GABRB2: variants seen among roughly 807,000 people sequenced by gnomAD.
GABRB2 encodes the protein gamma-aminobutyric acid receptor subunit beta-2.
In GABRB2, 16 loss-of-function variants were observed where a neutral mutation model predicts 54.7. The ratio of observed to expected loss-of-function variants is 0.29; its 90% CI spans 0.20 to 0.44. The LOEUF (loss-of-function observed/expected upper bound fraction) is 0.44, where lower values mean the gene tolerates loss of function less well. GABRB2 is among the 20% of genes least tolerant of loss of function. The pLI, the probability that GABRB2 is intolerant of heterozygous loss-of-function variation, is 1.00. For synonymous variants in GABRB2, 244 were observed against 233.8 expected (o/e 1.04, Z -0.40); for missense variants, 355 against 644.0 (o/e 0.55, Z 4.86).
intron 3 of GABRB2, among the ~76,000 whole-genome samples, chr5:161,504,183 T>G (rs868629646): frequency 6.6e-6 from 1 of 152,166 alleles, no homozygotes; most frequent in South Asian, 2.1e-4. Flanking sequence ...ATTGAAGATG[T>G]GAATAAATCT....
intron 5 of GABRB2, among the ~76,000 whole-genome samples, chr5:161,408,712 A>C (rs1756418431): frequency 6.6e-6 from 1 of 151,914 alleles, no homozygotes; most frequent in Non-Finnish European, 1.5e-5. Flanking sequence ...GAAAGAAGGG[A>C]GGGAAAAACA....
Position 161,484,761 on chromosome 5 carries a change from A to T in GABRB2, c.238-24917T>A, listed in dbSNP as rs149720692. Among the ~76,000 whole-genome samples the T allele has an allele frequency of 2.6e-4, 40 of 152,004 alleles. No homozygotes were observed. In the East Asian group the frequency reaches 7.6e-3, roughly 29 times the overall value. On this transcript the variant is annotated intron_variant, in intron 3 of 9. Transcript: ENST00000393959. Reference sequence around the variant, plus strand: ...TAGGCCCCCATCATGTCTCACCTGGATTATTACAACTAGTCTCACTTCATC... The same window carrying T: ...TAGGCCCCCATCATGTCTCACCTGGTTTATTACAACTAGTCTCACTTCATC...
At position 161,294,437 on chromosome 5, in the gene GABRB2, G is replaced by A. The variant is rs767296219; in HGVS notation, c.1192-9C>T. 2 of 1,605,016 alleles carry A rather than the reference G, an allele frequency of 1.2e-6. No homozygotes were observed. The highest frequency in any genetic ancestry group is 1.1e-5 in the South Asian group (1 of 90,662). On this transcript the variant is annotated splice_polypyrimidine_tract_variant and intron_variant, in intron 9 of 9. Coordinates refer to ENST00000393959, the MANE Select transcript of GABRB2 (RefSeq NM_001371727.1). ...TTCTCATGGGGGTCCATCTGCAAGG[G>A]AAGAGAATCAAAAAGACAATCAGAA...
At chr5:161,323,266 G>A (rs536036311) in intron 9 of GABRB2, among the ~76,000 whole-genome samples, 2 of 151,964 alleles carry the variant, frequency 1.3e-5, no homozygotes, top group Non-Finnish European at 1.5e-5. Flanking sequence ...CAAGTGATCC[G>A]CCCATCTCAG....
At chr5:161,388,324 T>G (rs1441133417) in intron 5 of GABRB2, among the ~76,000 whole-genome samples, 1 of 152,112 alleles carries the variant, frequency 6.6e-6, no homozygotes, top group Non-Finnish European at 1.5e-5. Context: ...AAGAAGGCTT[T>G]AAAAATTAAT....
chr5:161,521,405 T>TC (rs1760111194), intron 3 of GABRB2, among the ~76,000 whole-genome samples: 2 of 151,790 alleles, frequency 1.3e-5, no homozygotes, highest in African/African-American at 2.4e-5. Context: ...ACCATATAAC[T>TC]TTAGGTGATA....
intron 4 of GABRB2, among the ~76,000 whole-genome samples, chr5:161,452,282 A>G (rs1757810850): frequency 6.6e-6 from 1 of 152,212 alleles, no homozygotes; most frequent in African/African-American, 2.4e-5. Flanking sequence ...TGCTAAAAGG[A>G]TATATGTCAT....
rs144217672 is a variant in GABRB2 at position 161,307,342 on chromosome 5, C to T, written c.1192-12914G>A. Reference sequence around the variant, plus strand: ...TCTTCACATTAGAATGTGGTCACTGCGAGGGCAAGGCACATATTTGGTAAG... The same window carrying T: ...TCTTCACATTAGAATGTGGTCACTGTGAGGGCAAGGCACATATTTGGTAAG... On this transcript the variant is annotated intron_variant, in intron 9 of 9. Coordinates refer to ENST00000393959, the MANE Select transcript of GABRB2 (RefSeq NM_001371727.1). Among the ~76,000 whole-genome samples the T allele has an allele frequency of 2.4e-4, 37 of 152,208 alleles. 1 individual carries two copies. The East Asian group carries it at 5.8e-3, about 24-fold the overall frequency.
At chr5:161,413,178 A>G (rs1274890644) in intron 4 of GABRB2, among the ~76,000 whole-genome samples, 1 of 152,230 alleles carries the variant, frequency 6.6e-6, no homozygotes, top group African/African-American at 2.4e-5. Context: ...GGATGAATAA[A>G]TAAATAAATT....
At chr5:161,509,603 T>C (rs909599440) in intron 3 of GABRB2, among the ~76,000 whole-genome samples, 2 of 151,982 alleles carry the variant, frequency 1.3e-5, no homozygotes, top group African/African-American at 2.4e-5. Flanking sequence ...TATTTACACA[T>C]CTCTGCTTTT....
intron 5 of GABRB2, among the ~76,000 whole-genome samples, chr5:161,381,594 G>C (rs1055628798): frequency 4.6e-5 from 7 of 152,120 alleles, no homozygotes; most frequent in South Asian, 2.1e-4. Context: ...TATTCTGAAG[G>C]GGGTGAGTGG....
chr5:161,519,514 G>GCCT (rs1334242565), intron 3 of GABRB2, among the ~76,000 whole-genome samples: 1 of 152,030 alleles, frequency 6.6e-6, no homozygotes, highest in African/African-American at 2.4e-5. Flanking sequence ...AATCAATGAA[G>GCCT]CCTCACATTG....
intron 4 of GABRB2, among the ~76,000 whole-genome samples, chr5:161,415,902 C>T (rs979605467): frequency 2.7e-5 from 4 of 150,712 alleles, no homozygotes; most frequent in Admixed American, 6.6e-5. Context: ...CGTGATCCAC[C>T]GCACCCGGCC....
In GABRB2 at chr5:161,411,039, G is replaced by A. The variant is rs2113114606; in HGVS notation, c.477C>T (p.Ala159=). 1 of 1,613,462 alleles carries A rather than the reference G, an allele frequency of 6.2e-7. No homozygotes were observed. Among genetic ancestry groups the A allele is most frequent in the Admixed American group, 1.7e-5 (1 of 59,990 alleles). Residue 159 remains alanine (A), a synonymous_variant, in exon 5 of 10, where the codon GCC becomes GCT. Transcript: ENST00000393959. The stretch of plus-strand genomic sequence containing the variant: ...GGTACCTCCTTAGGTCCATCATGCA[G>A]GCAGCTGTGGTTGTGATTCTAGAAG... ...LYGLRITTTA[A]CMMDLRRYPL...
At chr5:161,536,496 G>C (rs1048137947) in intron 3 of GABRB2, among the ~76,000 whole-genome samples, 2 of 152,126 alleles carry the variant, frequency 1.3e-5, no homozygotes, top group African/African-American at 4.8e-5. Context: ...TCAATATAAA[G>C]TGTTTAGTAT....
chr5:161,290,973 G>T lies in GABRB2; in HGVS notation c.*3108C>A, dbSNP rs1357790884. The T allele has an allele frequency of 6.6e-6, 1 of 152,450 alleles. No homozygotes were observed. The highest frequency in any genetic ancestry group is 2.4e-5 in the African/African-American group (1 of 41,400). 9.4% of individuals were successfully genotyped at this position (152,450 alleles called of 1,614,324 possible). ...TATTTTACTTAGCACTGCTTTTGAA[G>T]AAATGAGAAGAGAAAAGGTCTAGAT... On this transcript the variant is annotated 3_prime_UTR_variant, in exon 10 of 10. Coordinates refer to ENST00000393959, the MANE Select transcript of GABRB2 (RefSeq NM_001371727.1).
In GABRB2 at chr5:161,459,638, G is replaced by A. The variant is rs771899561; in HGVS notation, c.444C>T (p.Val148=). 1.1e-5 allele frequency: 17 copies of A among 1,613,982 alleles called. No homozygotes were observed. The South Asian group carries it at 1.8e-4, about 17-fold the overall frequency. ...GGACAACAGACCTGAGTCCATAAAGGACGGTGCCATCAGGATGCAGGCGAA... is the reference window on the plus strand; with the variant it reads ...GGACAACAGACCTGAGTCCATAAAGAACGGTGCCATCAGGATGCAGGCGAA... The part of the protein sequence containing the change: ...RMIRLHPDGT[V]LYGLRITTTA... The change falls in exon 4 of 10, where the codon GTC becomes GTT. Residue 148 remains valine (V), a synonymous_variant. Coordinates refer to ENST00000393959, the MANE Select transcript of GABRB2 (RefSeq NM_001371727.1).
chr5:161,498,619 T>A (rs556310525), intron 3 of GABRB2, among the ~76,000 whole-genome samples: 1 of 152,262 alleles, frequency 6.6e-6, no homozygotes. Flanking sequence ...AGGACTGGCT[T>A]GTCTGTCATA....
At chr5:161,450,688 T>G (rs898100891) in intron 4 of GABRB2, among the ~76,000 whole-genome samples, 5 of 152,168 alleles carry the variant, frequency 3.3e-5, no homozygotes, top group African/African-American at 1.2e-4. Flanking sequence ...CTTCCCGCTC[T>G]GAGCCTCCCT....
Sources: allele counts gnomAD v4.1 joint callset (sites outside exome capture counted in the v4.1 genomes callset), GRCh38; gene constraint gnomAD v4.1.1; transcripts MANE v1.5; gene names NCBI Gene and HGNC (gene_info 2026-07-23, HGNC 2026-07-21).